The following CREBRF variants were observed in gnomAD, a reference collection of about 807,000 sequenced individuals.
CREBRF encodes UPF0474 protein C5orf41.
CREBRF carries 5 observed loss-of-function variants against 66.1 expected under a neutral mutation model. That is an observed-to-expected ratio of 0.08 (90% CI 0.04 to 0.16). CREBRF has a LOEUF of 0.16. Among genes scored for constraint, CREBRF ranks in the 10% least tolerant of loss-of-function variants. The pLI, the probability that CREBRF is intolerant of heterozygous loss-of-function variation, is 1.00. For missense variants in CREBRF, 531 were observed against 744.9 expected (o/e 0.71, Z 3.34); for synonymous variants, 229 against 264.4 (o/e 0.87, Z 1.30).
At chr5:173,085,339 A>C (rs1758112097) in intron 2 of CREBRF, 1 of 1,220,770 alleles carries the variant, frequency 8.2e-7, no homozygotes, top group East Asian at 2.3e-5. Context: ...AGATGTTCAT[A>C]GCAGCACACA....
Position 173,086,550 on chromosome 5 carries a change from A to G in CREBRF, c.59A>G (p.His20Arg). The G allele has an allele frequency of 1.2e-6, 2 of 1,614,128 alleles. No homozygotes were observed. Among genetic ancestry groups the G allele is most frequent in the Non-Finnish European group, 1.7e-6 (2 of 1,179,968 alleles). The change falls in exon 3 of 9, where the codon CAC becomes CGC. Residue 20 changes from histidine to arginine, a missense_variant. This residue lies in a region of CREBRF where 133 missense variants were observed against 215.6 expected (regional missense o/e 0.62). Transcript: ENST00000296953. ...DPPFGDAFRS[H>R]TFSEQTLMST... ...CCTTTCGGGGATGCCTTTCGAAGCCACACCTTTTCGGAACAAACTCTGATG... is the reference window on the plus strand; with the variant it reads ...CCTTTCGGGGATGCCTTTCGAAGCCGCACCTTTTCGGAACAAACTCTGATG...
At chr5:173,099,567 G>A (rs251230) in intron 4 of CREBRF, among the ~76,000 whole-genome samples, 42,785 of 152,034 alleles carry the variant, frequency 0.28, 6,990 homozygotes, top group Non-Finnish European at 0.38. Context: ...GATAGGTAAG[G>A]ATTTACTGTT....
chr5:173,099,271 T>G (rs1179919550), intron 4 of CREBRF, among the ~76,000 whole-genome samples: 3 of 152,156 alleles, frequency 2.0e-5, no homozygotes, highest in African/African-American at 7.2e-5. Flanking sequence ...TCTTCCCACC[T>G]CAGTCTCCTG....
chr5:173,137,716 C>T lies in CREBRF; in HGVS notation c.*3971C>T, dbSNP rs568588672. 2 of 151,912 alleles carry T rather than the reference C, an allele frequency of 1.3e-5. No individual in the cohort carries two copies. Among genetic ancestry groups the T allele is most frequent in the East Asian group, 3.9e-4 (2 of 5,186 alleles). 9.4% of individuals were successfully genotyped at this position (151,912 alleles called of 1,614,324 possible). A position where few individuals can be genotyped will look rare whatever the true frequency, so the allele number is the denominator to read the frequency against. On this transcript the variant is annotated 3_prime_UTR_variant, in exon 9 of 9. Transcript: ENST00000296953. ...ATATATATAATATTCATACAATGAT[C>T]TGATGTTTGCCTTCATTAATAAAGC...
At chr5:173,109,085 G>A (rs949819568) in intron 5 of CREBRF, 1 of 340,034 alleles carries the variant, frequency 2.9e-6, no homozygotes, top group Non-Finnish European at 5.3e-6. Context: ...ACCCCATTCA[G>A]GAAATGACTA....
chr5:173,123,309 C>G (rs1052939999), intron 8 of CREBRF, 107 bp downstream of exon 8: 84 of 1,068,438 alleles, frequency 7.9e-5, no homozygotes, highest in Non-Finnish European at 1.1e-4. Context: ...CTCAAGTGCT[C>G]TCATTGTAAT....
chr5:173,064,212 T>C (rs1249554091), intron 1 of CREBRF, among the ~76,000 whole-genome samples: 1 of 152,186 alleles, frequency 6.6e-6, no homozygotes, highest in Non-Finnish European at 1.5e-5. Flanking sequence ...TTTTCTATTA[T>C]AGGTTAGTCA....
chr5:173,085,921 G>T, intron 2 of CREBRF: 1 of 1,044,142 alleles, frequency 9.6e-7, no homozygotes, highest in Non-Finnish European at 1.5e-6. Context: ...GGACAGTTAG[G>T]CACCCACTTT....
chr5:173,123,997 C>A (rs1032174938), intron 8 of CREBRF: 4 of 152,124 alleles, frequency 2.6e-5, no homozygotes, highest in African/African-American at 9.7e-5. Context: ...TCTTTCATAG[C>A]ATTTCTTTCT....
chr5:173,056,522 G>A (rs1050230564), intron 1 of CREBRF, 43 bp downstream of exon 1: 3 of 398,150 alleles, frequency 7.5e-6, no homozygotes, highest in African/African-American at 4.1e-5. Flanking sequence ...AGGGGCCTGG[G>A]CTGGGGGAAG....
chr5:173,120,984 C>T (rs559909536), intron 7 of CREBRF, among the ~76,000 whole-genome samples: 9 of 152,254 alleles, frequency 5.9e-5, no homozygotes, highest in East Asian at 1.9e-4. Flanking sequence ...CGAGCCACCG[C>T]GTCCGGCCTT....
intron 1 of CREBRF, among the ~76,000 whole-genome samples, chr5:173,070,985 C>T (rs1480748784): frequency 6.6e-6 from 1 of 151,976 alleles, no homozygotes; most frequent in African/African-American, 2.4e-5. Context: ...ATATGATGGT[C>T]ATTCTCAAAG....
At chr5:173,123,417 C>A in intron 8 of CREBRF, 1 of 442,714 alleles carries the variant, frequency 2.3e-6, no homozygotes, top group Non-Finnish European at 4.0e-6. Flanking sequence ...AATCATGAAA[C>A]TATTTTAACA....
At chr5:173,091,481 T>C in intron 4 of CREBRF, 80 bp downstream of exon 4, 1 of 1,527,326 alleles carries the variant, frequency 6.5e-7, no homozygotes, top group South Asian at 1.3e-5. Context: ...TTCTGTTTTG[T>C]TTGGATAATT....
chr5:173,069,189 A>G (rs1352297118), intron 1 of CREBRF, among the ~76,000 whole-genome samples: 1 of 152,080 alleles, frequency 6.6e-6, no homozygotes, highest in African/African-American at 2.4e-5. Context: ...AATAGCCACC[A>G]TTTATTGAGT....
At chr5:173,115,789 T>G (rs1758975492) in intron 7 of CREBRF, among the ~76,000 whole-genome samples, 1 of 152,124 alleles carries the variant, frequency 6.6e-6, no homozygotes, top group Non-Finnish European at 1.5e-5. Context: ...TTTTTGTATT[T>G]TTAGTAGAGA....
At chr5:173,107,772 T>A (rs1477456956) in intron 4 of CREBRF, among the ~76,000 whole-genome samples, 1 of 151,568 alleles carries the variant, frequency 6.6e-6, no homozygotes. Flanking sequence ...AACCCAGGAG[T>A]TTGAGACCAG....
At chr5:173,082,370 T>C (rs935702363) in intron 2 of CREBRF, among the ~76,000 whole-genome samples, 3 of 151,940 alleles carry the variant, frequency 2.0e-5, no homozygotes, top group African/African-American at 7.3e-5. Context: ...TTTAAACTTA[T>C]TTTCTCAAGC....
intron 3 of CREBRF, among the ~76,000 whole-genome samples, chr5:173,089,010 C>G (rs778021648): frequency 2.0e-5 from 3 of 151,826 alleles, no homozygotes; most frequent in Non-Finnish European, 4.4e-5. Context: ...AACCTCATCT[C>G]TACTAAAAAT....
Sources: gnomAD v4.1 joint callset for allele counts (sites outside exome capture counted in the v4.1 genomes callset) on GRCh38, gnomAD v4.1.1 for gene constraint, gnomAD v4.1.1 regional missense constraint, MANE v1.5 for transcripts, NCBI Gene and HGNC (gene_info 2026-07-23, HGNC 2026-07-21) for gene names.